Variants in ADGRL3 observed in about 807,000 individuals in gnomAD.
ADGRL3 encodes calcium-independent alpha-latrotoxin receptor 3.
ADGRL3 carries 62 observed loss-of-function variants against 153.5 expected under a neutral mutation model. That is an observed-to-expected ratio of 0.40 (90% CI 0.33 to 0.50). The LOEUF (loss-of-function observed/expected upper bound fraction) is 0.50. Among genes scored for constraint, ADGRL3 ranks in the 20% least tolerant of loss-of-function variants. The pLI is 0.47. For missense variants in ADGRL3, 1,641 were observed against 1,859.4 expected, an observed-to-expected ratio of 0.88 and a Z score of 2.16; for synonymous variants, 710 against 672.5, an observed-to-expected ratio of 1.06 and a Z score of -0.86.
At chr4:61,772,669 C>T (rs1377324403) in intron 8 of ADGRL3, among the ~76,000 whole-genome samples, 1 of 152,122 alleles carries the variant, frequency 6.6e-6, no homozygotes, top group Non-Finnish European at 1.5e-5. Context: ...ATTCTGATTC[C>T]TCTTTCCCCT....
At chr4:61,380,751 A>G (rs1462424862) in intron 1 of ADGRL3, among the ~76,000 whole-genome samples, 1 of 152,026 alleles carries the variant, frequency 6.6e-6, no homozygotes, top group African/African-American at 2.4e-5. Flanking sequence ...TATCCAAAAT[A>G]AATTACACTT....
chr4:61,722,351 G>T (rs1230345089), intron 6 of ADGRL3, among the ~76,000 whole-genome samples: 1 of 152,044 alleles, frequency 6.6e-6, no homozygotes, highest in Non-Finnish European at 1.5e-5. Context: ...ATCATTTCAT[G>T]CAAGAGAATA....
intron 12 of ADGRL3, among the ~76,000 whole-genome samples, chr4:61,910,690 T>TGCCA (rs1039386185): frequency 1.3e-5 from 2 of 151,614 alleles, no homozygotes; most frequent in African/African-American, 4.8e-5. Flanking sequence ...AATTTGACAT[T>TGCCA]GCCAGACTAA....
At chr4:61,613,620 T>C (rs964828820) in intron 5 of ADGRL3, among the ~76,000 whole-genome samples, 6 of 152,124 alleles carry the variant, frequency 3.9e-5, no homozygotes, top group Admixed American at 3.9e-4. Flanking sequence ...GGTGCACACC[T>C]GTAGTCCCAG....
At chr4:61,867,535 T>TATAA (rs1554050825) in intron 9 of ADGRL3, among the ~76,000 whole-genome samples, 1 of 137,142 alleles carries the variant, frequency 7.3e-6, no homozygotes, top group Non-Finnish European at 1.6e-5. Flanking sequence ...TATATATATA[T>TATAA]ATATAATTGT....
At chr4:61,796,901 C>G (rs904400346) in intron 8 of ADGRL3, among the ~76,000 whole-genome samples, 1 of 151,914 alleles carries the variant, frequency 6.6e-6, no homozygotes, top group Non-Finnish European at 1.5e-5. Flanking sequence ...AGTTAGTACC[C>G]CTTCTATATT....
chr4:61,957,762 T>A (rs948742544), intron 17 of ADGRL3, among the ~76,000 whole-genome samples: 1 of 152,006 alleles, frequency 6.6e-6, no homozygotes, highest in African/African-American at 2.4e-5. Flanking sequence ...ATTTCTTAAA[T>A]ATTTAAATTT....
At chr4:61,350,339 G>A (rs2096015495) in intron 1 of ADGRL3, among the ~76,000 whole-genome samples, 1 of 134,848 alleles carries the variant, frequency 7.4e-6, no homozygotes, top group Non-Finnish European at 1.6e-5. Flanking sequence ...ACATTCTGAT[G>A]GAGGTTTTTT....
chr4:61,228,342 A>G (rs1317637532), intron 1 of ADGRL3, among the ~76,000 whole-genome samples: 1 of 152,186 alleles, frequency 6.6e-6, no homozygotes, highest in Non-Finnish European at 1.5e-5. Context: ...TGATACTAAC[A>G]TTTTATTTTT....
At chr4:61,272,713 TTTAA>T (rs1266946302) in intron 1 of ADGRL3, among the ~76,000 whole-genome samples, 1 of 152,180 alleles carries the variant, frequency 6.6e-6, no homozygotes, top group African/African-American at 2.4e-5. Context: ...TTTGAGTGAC[TTTAA>T]TTGTCAAAAC....
At chr4:62,022,261 A>T (rs565342991) in intron 21 of ADGRL3, among the ~76,000 whole-genome samples, 1 of 152,328 alleles carries the variant, frequency 6.6e-6, no homozygotes, top group East Asian at 1.9e-4. Context: ...AACTCTCTTC[A>T]GTTCTATGAA....
chr4:62,060,194 A>G (rs1739301724), intron 25 of ADGRL3, among the ~76,000 whole-genome samples: 1 of 151,948 alleles, frequency 6.6e-6, no homozygotes, highest in African/African-American at 2.4e-5. Context: ...TCTTTTTTCA[A>G]ATTATCTTCT....
intron 2 of ADGRL3, among the ~76,000 whole-genome samples, chr4:61,412,079 A>G (rs1019152258): frequency 1.7e-5 from 2 of 120,762 alleles, no homozygotes; most frequent in African/African-American, 2.8e-5. Context: ...AGAAAGCTCA[A>G]TTTTGTTGTG....
chr4:61,387,559 G>A (rs968627489), intron 2 of ADGRL3, among the ~76,000 whole-genome samples: 1 of 152,002 alleles, frequency 6.6e-6, no homozygotes, highest in African/African-American at 2.4e-5. Context: ...CTTTCTCAGG[G>A]ATGTTCCATG....
At chr4:61,764,315 G>A (rs138678787) in intron 8 of ADGRL3, among the ~76,000 whole-genome samples, 1 of 152,020 alleles carries the variant, frequency 6.6e-6, no homozygotes, top group Non-Finnish European at 1.5e-5. Flanking sequence ...TTCGAAAAGA[G>A]AGTCAGCGAA....
At chr4:61,912,675 G>T (rs776545171) in intron 12 of ADGRL3, 44 bp from the exon 13 acceptor site, 43 of 1,581,408 alleles carry the variant, frequency 2.7e-5, no homozygotes, top group Admixed American at 3.4e-5. Flanking sequence ...TCACTAACTT[G>T]TTTTTTCTAT....
In ADGRL3 at chr4:61,529,868, G is replaced by T. The variant is rs335303; in HGVS notation, c.259+12350G>T. 3.4e-3 allele frequency among the ~76,000 whole-genome samples: 521 copies of T among 152,134 alleles called. 7 individuals are homozygous for T. The highest frequency in any genetic ancestry group is 0.012 in the African/African-American group (497 of 41,536). On this transcript the variant is annotated intron_variant, in intron 4 of 26. Transcript: ENST00000683033. ...TTATGACCATAGATTTAAAAGTAAA[G>T]AAACTAAAAGTGCTTTTATTAATTT...
intron 8 of ADGRL3, among the ~76,000 whole-genome samples, chr4:61,800,328 G>T (rs542555116): frequency 2.0e-5 from 3 of 152,034 alleles, no homozygotes; most frequent in South Asian, 2.1e-4. Flanking sequence ...TACAGTTAAG[G>T]CAGAACCTGA....
chr4:61,316,492 C>T (rs1229864350), intron 1 of ADGRL3, among the ~76,000 whole-genome samples: 3 of 152,172 alleles, frequency 2.0e-5, no homozygotes, highest in African/African-American at 4.8e-5. Context: ...TTTACTTTGA[C>T]ACCAACCTAA....
Sources: gnomAD v4.1 joint callset for allele counts (sites outside exome capture counted in the v4.1 genomes callset) on GRCh38, gnomAD v4.1.1 for gene constraint, MANE v1.5 for transcripts, NCBI Gene and HGNC (gene_info 2026-07-23, HGNC 2026-07-21) for gene names.